The following GDF7 variants were observed in gnomAD, a reference collection of about 807,000 sequenced individuals.
GDF7 encodes the protein growth differentiation factor 7.
GDF7 carries 12 observed loss-of-function variants against 13.4 expected under a neutral mutation model. The observed-to-expected ratio is 0.90, with a 90% CI of 0.57 to 1.45. GDF7 has a LOEUF of 1.45. GDF7 is among the 40% of genes most tolerant of loss of function. The pLI is 0.00. For synonymous variants in GDF7, 330 were observed against 306.4 expected, an observed-to-expected ratio of 1.08 and a Z score of -0.80; for missense variants, 651 against 652.4, an observed-to-expected ratio of 1.00 and a Z score of 0.02.
chr2:20,667,276 C>T lies in GDF7; in HGVS notation c.37C>T (p.Leu13=), dbSNP rs1695972442. The change falls in exon 1 of 2, where the codon CTG becomes TTG. Residue 13 remains leucine (L), a synonymous_variant. Transcript: ENST00000272224. This position sits in a 1 kb window ranked among gnomAD's most constrained non-coding sequence, Gnocchi z 6.4. ...CGCCGCCGCCGCGCTGTGCCTTTGG[C>T]TGCTGAGCGCCTGCCGCCCCCGCGA... ...LSAAAALCLW[L]LSACRPRDGL... 1 of 1,232,376 alleles carries T rather than the reference C, an allele frequency of 8.1e-7. No homozygotes were observed. Among genetic ancestry groups the T allele is most frequent in the Non-Finnish European group, 1.0e-6 (1 of 978,240 alleles). 76.3% of individuals were successfully genotyped at this position (1,232,376 alleles called of 1,614,324 possible).
Position 20,674,035 on chromosome 2 carries a change from TG to T in GDF7, c.*2611del, listed in dbSNP as rs1160238898. On this transcript the variant is annotated 3_prime_UTR_variant, in exon 2 of 2. Transcript: ENST00000272224. Reference sequence around the variant, plus strand: ...AAAATGACAACAAAGGGCCAACACATGTGGGGCAGACGGCTTTTTGCTGCTA... The same window carrying T: ...AAAATGACAACAAAGGGCCAACACATTGGGGCAGACGGCTTTTTGCTGCTA... 1 of 152,232 alleles carries T rather than the reference TG, an allele frequency of 6.6e-6. No homozygotes were observed. The highest frequency in any genetic ancestry group is 1.9e-4 in the East Asian group (1 of 5,190). 9.4% of individuals were successfully genotyped at this position (152,232 alleles called of 1,614,324 possible). A position where few individuals can be genotyped will look rare whatever the true frequency, so the allele number is the denominator to read the frequency against.
chr2:20,671,326 G>T lies in GDF7; in HGVS notation c.1254G>T (p.Ala418=), dbSNP rs1416922280. 1 of 1,613,546 alleles carries T rather than the reference G, an allele frequency of 6.2e-7. No homozygotes were observed. ...CGCCGGCCTCCTGCTGTGTGCCAGC[G>T]CGCCTCAGCCCCATCAGCATCCTCT... is the stretch of plus-strand genomic sequence containing the variant. ...DAAPASCCVP[A]RLSPISILYI... The change falls in exon 2 of 2, where the codon GCG becomes GCT. Residue 418 remains alanine, a synonymous_variant. Transcript: ENST00000272224.
At position 20,671,791 on chromosome 2, in the gene GDF7, C is replaced by T; in HGVS notation, c.*366C>T. 3.8e-6 allele frequency: 1 copy of T among 261,448 alleles called. No homozygotes were observed. Among genetic ancestry groups the T allele is most frequent in the East Asian group, 1.1e-4 (1 of 9,136 alleles). 16.2% of individuals were successfully genotyped at this position (261,448 alleles called of 1,614,324 possible). On this transcript the variant is annotated 3_prime_UTR_variant, in exon 2 of 2. Coordinates refer to ENST00000272224, the MANE Select transcript of GDF7 (RefSeq NM_182828.4). The stretch of plus-strand genomic sequence containing the variant: ...ACAACGGGTTAGGAAATTCGAAGTT[C>T]CAGAATGGGAGAACCAAAGGGGTAC...
Position 20,670,885 on chromosome 2 carries a change from C to A in GDF7, c.813C>A (p.Ser271=). Residue 271 remains serine, a synonymous_variant, in exon 2 of 2, where the codon TCC becomes TCA. Coordinates refer to ENST00000272224, the MANE Select transcript of GDF7 (RefSeq NM_182828.4). ...AAEERAVLVV[S]SRTQRKESLF... ...AGGAGCGCGCGGTGCTAGTCGTCTC[C>A]TCCCGCACGCAGAGGAAAGAGAGCT... 6.5e-7 allele frequency: 1 copy of A among 1,543,674 alleles called. No individual in the cohort carries two copies. Among genetic ancestry groups the A allele is most frequent in the East Asian group, 2.5e-5 (1 of 40,180 alleles).
chr2:20,673,746 G>A lies in GDF7; in HGVS notation c.*2321G>A, dbSNP rs915892948. 2.0e-5 allele frequency: 3 copies of A among 152,170 alleles called. No individual in the cohort carries two copies. The highest frequency in any genetic ancestry group is 7.2e-5 in the African/African-American group (3 of 41,430). The allele number at this position is 152,170 out of a possible 1,614,324, so 9.4% of individuals were successfully genotyped here. A position where few individuals can be genotyped will look rare whatever the true frequency, so the allele number is the denominator to read the frequency against. On this transcript the variant is annotated 3_prime_UTR_variant, in exon 2 of 2. Coordinates refer to ENST00000272224, the MANE Select transcript of GDF7 (RefSeq NM_182828.4). ...TTCCTTCTGATGACCTCCTTCTAAC[G>A]AGATGTGTTGTGAGTGGTGTGGGAA...
At chr2:20,670,385 T>C in intron 1 of GDF7, 79 bp from the exon 2 acceptor site, 1 of 1,388,994 alleles carries the variant, frequency 7.2e-7, no homozygotes, top group Non-Finnish European at 9.4e-7. Flanking sequence ...CCATTTGCTG[T>C]TAGGAGGCCC....
Position 20,667,291 on chromosome 2 carries a change from C to G in GDF7, c.52C>G (p.Arg18Gly). 8.3e-7 allele frequency: 1 copy of G among 1,208,166 alleles called. No individual in the cohort carries two copies. The highest frequency in any genetic ancestry group is 1.0e-6 in the Non-Finnish European group (1 of 964,114). 74.8% of individuals were successfully genotyped at this position (1,208,166 alleles called of 1,614,324 possible). Residue 18 changes from arginine to glycine, a missense_variant, in exon 1 of 2, where the codon CGC becomes GGC. Coordinates refer to ENST00000272224, the MANE Select transcript of GDF7 (RefSeq NM_182828.4). The surrounding 1 kb of genome is among the most constrained non-coding windows in gnomAD (Gnocchi z 6.4). The part of the protein sequence containing the change: ...ALCLWLLSAC[R>G]PRDGLEAAAV... ...GTGCCTTTGGCTGCTGAGCGCCTGCCGCCCCCGCGACGGGCTGGAAGCGGC... is the reference window on the plus strand; with the variant it reads ...GTGCCTTTGGCTGCTGAGCGCCTGCGGCCCCCGCGACGGGCTGGAAGCGGC...
In GDF7 at chr2:20,672,836, T is replaced by A. The variant is rs1381194590; in HGVS notation, c.*1411T>A. On this transcript the variant is annotated 3_prime_UTR_variant, in exon 2 of 2. Coordinates refer to ENST00000272224, the MANE Select transcript of GDF7 (RefSeq NM_182828.4). ...GGAGGATTTTCTAGGCATGTAAAAG[T>A]GAGTTCGAACATTCAGACTTCACTG... 2 of 152,204 alleles carry A rather than the reference T, an allele frequency of 1.3e-5. No individual in the cohort carries two copies. The highest frequency in any genetic ancestry group is 4.8e-5 in the African/African-American group (2 of 41,452). The allele number at this position is 152,204 out of a possible 1,614,324, so 9.4% of individuals were successfully genotyped here. A position where few individuals can be genotyped will look rare whatever the true frequency, so the allele number is the denominator to read the frequency against.
rs2149313344 is a variant in GDF7, at chr2:20,679,007, A to G, written c.*7582A>G. 1 of 152,330 alleles carries G rather than the reference A, an allele frequency of 6.6e-6. No homozygotes were observed. Among genetic ancestry groups the G allele is most frequent in the East Asian group, 1.9e-4 (1 of 5,188 alleles). 9.4% of individuals were successfully genotyped at this position (152,330 alleles called of 1,614,324 possible). ...AAGCTGACATTGTGAGGTGTTGCCGATGCCCAGGCCAGCTAGCAGGGAGCC... is the reference window on the plus strand; with the variant it reads ...AAGCTGACATTGTGAGGTGTTGCCGGTGCCCAGGCCAGCTAGCAGGGAGCC... On this transcript the variant is annotated 3_prime_UTR_variant, in exon 2 of 2. Coordinates refer to ENST00000272224, the MANE Select transcript of GDF7 (RefSeq NM_182828.4).
rs1258989237 is a variant in GDF7 at position 20,667,386 on chromosome 2, C to CGGCGGCGGT, written c.149_150insCGGCGGTGG (p.Gly48_Gly50dup). 2.1e-6 allele frequency: 2 copies of CGGCGGCGGT among 972,040 alleles called. No homozygotes were observed. Among genetic ancestry groups the CGGCGGCGGT allele is most frequent in the Non-Finnish European group, 2.4e-6 (2 of 820,790 alleles). The allele number at this position is 972,040 out of a possible 1,614,324, so 60.2% of individuals were successfully genotyped here. On this transcript the variant is annotated inframe_insertion, in exon 1 of 2. Transcript: ENST00000272224. The surrounding 1 kb of genome is among the most constrained non-coding windows in gnomAD (Gnocchi z 6.4). The stretch of plus-strand genomic sequence containing the variant: ...GGGGCGGCGGCGGCGGCGGCGGCGG[C>CGGCGGCGGT]GGGCGGACTCTTGCCCAGGCTGCGG...
rs761049728 is a variant in GDF7 at position 20,672,749 on chromosome 2, G to C, written c.*1324G>C. 4.6e-5 allele frequency: 7 copies of C among 152,256 alleles called. No homozygotes were observed. The highest frequency in any genetic ancestry group is 2.6e-4 in the Admixed American group (4 of 15,290). 9.4% of individuals were successfully genotyped at this position (152,256 alleles called of 1,614,324 possible). ...CCTTGGAAGGGCAGGGCCTTGGTGT[G>C]GGGGAGCAGAGGTGGAATATCCCCC... On this transcript the variant is annotated 3_prime_UTR_variant, in exon 2 of 2. Transcript: ENST00000272224.
Position 20,674,389 on chromosome 2 carries a change from G to T in GDF7, c.*2964G>T. On this transcript the variant is annotated 3_prime_UTR_variant, in exon 2 of 2. Transcript: ENST00000272224. ...TGTGCACTACTAGTTGACATCACTT[G>T]AACCAGGATTTCCTGCTAGTGAGTA... The T allele has an allele frequency of 6.6e-6, 1 of 152,236 alleles. No homozygotes were observed. The highest frequency in any genetic ancestry group is 2.4e-5 in the African/African-American group (1 of 41,460). The allele number at this position is 152,236 out of a possible 1,614,324, so 9.4% of individuals were successfully genotyped here.
chr2:20,670,880 G>A lies in GDF7; in HGVS notation c.808G>A (p.Val270Ile). The A allele has an allele frequency of 2.0e-6, 3 of 1,535,836 alleles. No homozygotes were observed. Among genetic ancestry groups the A allele is most frequent in the African/African-American group, 1.4e-5 (1 of 70,686 alleles). The stretch of plus-strand genomic sequence containing the variant: ...GGCAGAGGAGCGCGCGGTGCTAGTC[G>A]TCTCCTCCCGCACGCAGAGGAAAGA... ...SAAEERAVLVVSSRTQRKESL... is the reference protein window; with the variant it reads ...SAAEERAVLVISSRTQRKESL... Residue 270 changes from valine (V) to isoleucine (I), a missense_variant, in exon 2 of 2, where the codon GTC becomes ATC. By Grantham distance (29) the Val-to-Ile change is conservative. Around this residue, in one of 4 missense-constraint regions of GDF7, gnomAD observed 487 missense variants for 445.9 expected, o/e 1.09. Coordinates refer to ENST00000272224, the MANE Select transcript of GDF7 (RefSeq NM_182828.4).
rs754960975 is a variant in GDF7, at chr2:20,671,257, T to C, written c.1185T>C (p.His395=). The C allele has an allele frequency of 6.2e-7, 1 of 1,613,972 alleles. No individual in the cohort carries two copies. Among genetic ancestry groups the C allele is most frequent in the Non-Finnish European group, 8.5e-7 (1 of 1,179,966 alleles). ...PLRSHLEPTN[H]AIIQTLLNSM... ...GTTCGCACCTCGAGCCCACCAACCA[T>C]GCCATCATTCAGACGCTGCTCAACT... Residue 395 remains histidine, a synonymous_variant, in exon 2 of 2, where the codon CAT becomes CAC. Coordinates refer to ENST00000272224, the MANE Select transcript of GDF7 (RefSeq NM_182828.4).
intron 1 of GDF7, among the ~76,000 whole-genome samples, chr2:20,668,369 C>T (rs1662007316): frequency 1.3e-5 from 2 of 152,178 alleles, no homozygotes; most frequent in African/African-American, 4.8e-5. Context: ...TTAGACTAAG[C>T]ACCCCACCTT....
Position 20,671,516 on chromosome 2 carries a change from G to A in GDF7, c.*91G>A, listed in dbSNP as rs758299411. ...ACCCTGTCACCGAGCGTGGGTGCAT[G>A]TCCGATGTGACCCAGCACCCTCTCA... On this transcript the variant is annotated 3_prime_UTR_variant, in exon 2 of 2. Coordinates refer to ENST00000272224, the MANE Select transcript of GDF7 (RefSeq NM_182828.4). 62 of 1,372,000 alleles carry A rather than the reference G, an allele frequency of 4.5e-5. No individual in the cohort carries two copies. Among genetic ancestry groups the A allele is most frequent in the Non-Finnish European group, 6.2e-5 (62 of 1,004,490 alleles). The allele number at this position is 1,372,000 out of a possible 1,614,324, so 85.0% of individuals were successfully genotyped here. A position where few individuals can be genotyped will look rare whatever the true frequency, so the allele number is the denominator to read the frequency against.
Position 20,677,183 on chromosome 2 carries a change from T to TG in GDF7, c.*5759dup, listed in dbSNP as rs1413684692. The TG allele has an allele frequency of 6.6e-6, 1 of 152,232 alleles. No individual in the cohort carries two copies. Among genetic ancestry groups the TG allele is most frequent in the African/African-American group, 2.4e-5 (1 of 41,472 alleles). 9.4% of individuals were successfully genotyped at this position (152,232 alleles called of 1,614,324 possible). On this transcript the variant is annotated 3_prime_UTR_variant, in exon 2 of 2. Coordinates refer to ENST00000272224, the MANE Select transcript of GDF7 (RefSeq NM_182828.4). ...GAACTTCCTTCTGCTAGTTTAGAAATGCTTCACTCCAGAGAGGGCCACCTG... is the reference window on the plus strand; with the variant it reads ...GAACTTCCTTCTGCTAGTTTAGAAATGGCTTCACTCCAGAGAGGGCCACCTG...
Position 20,671,567 on chromosome 2 carries a change from T to A in GDF7, c.*142T>A. Reference sequence around the variant, plus strand: ...GAGGAGGGAGAGCACACGTTCACACTCACACACACTCGTGCAGTCACGCAC... The same window carrying A: ...GAGGAGGGAGAGCACACGTTCACACACACACACACTCGTGCAGTCACGCAC... On this transcript the variant is annotated 3_prime_UTR_variant, in exon 2 of 2. Coordinates refer to ENST00000272224, the MANE Select transcript of GDF7 (RefSeq NM_182828.4). 3 of 775,216 alleles carry A rather than the reference T, an allele frequency of 3.9e-6. No individual in the cohort carries two copies. The highest frequency in any genetic ancestry group is 3.6e-5 in the South Asian group (2 of 55,652). The allele number at this position is 775,216 out of a possible 1,614,324, so 48.0% of individuals were successfully genotyped here.
chr2:20,668,495 A>G (rs2149310552), intron 1 of GDF7, among the ~76,000 whole-genome samples: 1 of 152,306 alleles, frequency 6.6e-6, no homozygotes, highest in East Asian at 1.9e-4. Flanking sequence ...AGATAGAGAA[A>G]ATTTACCTAA....
Sources: allele counts gnomAD v4.1 joint callset (sites outside exome capture counted in the v4.1 genomes callset), GRCh38; gene constraint gnomAD v4.1.1; regional missense constraint gnomAD v4.1.1; non-coding constraint Gnocchi (gnomAD v3.1); transcripts MANE v1.5; gene names NCBI Gene and HGNC (gene_info 2026-07-23, HGNC 2026-07-21).